The following GNG13 variants were observed in gnomAD, a reference collection of about 807,000 sequenced individuals.
The protein encoded by GNG13 is guanine nucleotide-binding protein G(I)/G(S)/G(O) subunit gamma-13.
In GNG13, 12 loss-of-function variants were observed where a neutral mutation model predicts 8.2. That is an observed-to-expected ratio of 1.47 (90% CI 0.94 to 2.38). The LOEUF (loss-of-function observed/expected upper bound fraction) is 2.38. Among genes scored for constraint, GNG13 ranks in the 30% most tolerant of loss-of-function variants. GNG13 has a pLI of 0.00. For synonymous variants in GNG13, 45 were observed against 33.0 expected (o/e 1.37, Z -1.25); for missense variants, 100 against 85.2 (o/e 1.17, Z -0.68).
Position 798,091 on chromosome 16 carries a change from T to G in GNG13, c.*628A>C. 4 of 1,392,076 alleles carry G rather than the reference T, an allele frequency of 2.9e-6. No homozygotes were observed. The South Asian group carries it at 4.1e-5, about 14-fold the overall frequency. The allele number at this position is 1,392,076 out of a possible 1,614,324, so 86.2% of individuals were successfully genotyped here. A position where few individuals can be genotyped will look rare whatever the true frequency, so the allele number is the denominator to read the frequency against. On this transcript the variant is annotated 3_prime_UTR_variant, in exon 3 of 3. Coordinates refer to ENST00000248150, the MANE Select transcript of GNG13 (RefSeq NM_016541.3). ...AGACTGTAATCACGTGCGAGTGGAG[T>G]GGGGTTCACAGGATGGTGGGAGTGG... is the stretch of plus-strand genomic sequence containing the variant.
intron 1 of GNG13, among the ~76,000 whole-genome samples, chr16:799,452 C>A (rs73493220): frequency 0.24 from 36,835 of 152,096 alleles, 4,607 homozygotes; most frequent in South Asian, 0.37. Context: ...CCACTGAGGC[C>A]CACGCAGGCT....
At chr16:800,219 A>AC (rs2042434717) in intron 1 of GNG13, among the ~76,000 whole-genome samples, 2 of 151,720 alleles carry the variant, frequency 1.3e-5, no homozygotes, top group African/African-American at 4.8e-5. Context: ...GAGTTCCAGC[A>AC]CCCCTACCCG....
At position 799,050 on chromosome 16, in the gene GNG13, T is replaced by G; in HGVS notation, c.28A>C (p.Lys10Gln). Residue 10 changes from lysine (K) to glutamine (Q), a missense_variant, in exon 2 of 3, where the codon AAG becomes CAG. Transcript: ENST00000248150. ...TACTTGAGGCTCTCCACCTCTTTCT[T>G]CATCTGTGGCACGTCCCACTCCTCC... MEEWDVPQM[K>Q]KEVESLKYQL... The G allele has an allele frequency of 7.5e-6, 12 of 1,610,158 alleles. No homozygotes were observed. The highest frequency in any genetic ancestry group is 1.0e-5 in the Non-Finnish European group (12 of 1,176,774).
rs201244536 is a variant in GNG13, at chr16:799,060, C to G, written c.18G>C (p.Val6=). The G allele has an allele frequency of 1.1e-5, 17 of 1,605,424 alleles. No homozygotes were observed. In the Admixed American group the frequency reaches 1.2e-4, roughly 11 times the overall value. The change falls in exon 2 of 3, where the codon GTG becomes GTC. Residue 6 remains valine, a synonymous_variant. Coordinates refer to ENST00000248150, the MANE Select transcript of GNG13 (RefSeq NM_016541.3). ...TCTCCACCTCTTTCTTCATCTGTGG[C>G]ACGTCCCACTCCTCCATGGGGTCAG... is the stretch of plus-strand genomic sequence containing the variant. The part of the protein sequence containing the change: MEEWD[V]PQMKKEVESL...
rs773275872 is a variant in GNG13, at chr16:798,677, C to T, written c.*42G>A. On this transcript the variant is annotated 3_prime_UTR_variant, in exon 3 of 3. Coordinates refer to ENST00000248150, the MANE Select transcript of GNG13 (RefSeq NM_016541.3). ...ACAAGATGGTGGGAGTGGGGCCGGG[C>T]GTGGTCTCACAGGATGGTGTGAGAG... 110 of 1,159,012 alleles carry T rather than the reference C, an allele frequency of 9.5e-5. No individual in the cohort carries two copies. Among genetic ancestry groups the T allele is most frequent in the Admixed American group, 4.3e-4 (25 of 58,442 alleles). 71.8% of individuals were successfully genotyped at this position (1,159,012 alleles called of 1,614,324 possible). A position where few individuals can be genotyped will look rare whatever the true frequency, so the allele number is the denominator to read the frequency against.
chr16:798,966 G>A lies in GNG13; in HGVS notation c.98+14C>T. The A allele has an allele frequency of 6.5e-7, 1 of 1,528,708 alleles. No homozygotes were observed. The highest frequency in any genetic ancestry group is 2.2e-5 in the East Asian group (1 of 44,454). 94.7% of individuals were successfully genotyped at this position (1,528,708 alleles called of 1,614,324 possible). A position where few individuals can be genotyped will look rare whatever the true frequency, so the allele number is the denominator to read the frequency against. On this transcript the variant is annotated intron_variant, in intron 2 of 2. Coordinates refer to ENST00000248150, the MANE Select transcript of GNG13 (RefSeq NM_016541.3). ...AGACAAATGAGAGGCAAATCAGGCAGGTGGGGCACTCACTCGGGGATGGTC... is the reference window on the plus strand; with the variant it reads ...AGACAAATGAGAGGCAAATCAGGCAAGTGGGGCACTCACTCGGGGATGGTC...
In GNG13 at chr16:798,125, G is replaced by T; in HGVS notation, c.*594C>A. The T allele has an allele frequency of 9.2e-7, 1 of 1,087,242 alleles. No individual in the cohort carries two copies. The highest frequency in any genetic ancestry group is 2.5e-5 in the East Asian group (1 of 40,558). 67.3% of individuals were successfully genotyped at this position (1,087,242 alleles called of 1,614,324 possible). ...CAGGATGGTGGGAGTGGGGCCGGGC[G>T]TGGGCTCATAGGATGGTGTGAGTGG... On this transcript the variant is annotated 3_prime_UTR_variant, in exon 3 of 3. Transcript: ENST00000248150.
rs1301272141 is a variant in GNG13, at chr16:799,092, C to T, written c.-15G>A. On this transcript the variant is annotated 5_prime_UTR_variant, in exon 2 of 3. Transcript: ENST00000248150. ...CACTCCTCCATGGGGTCAGGGGCTT[C>T]TGAAGCAGCCAGCCTGGGGCTGGAG... 3 of 1,505,488 alleles carry T rather than the reference C, an allele frequency of 2.0e-6. No individual in the cohort carries two copies. The highest frequency in any genetic ancestry group is 3.3e-5 in the Admixed American group (2 of 59,822). 93.3% of individuals were successfully genotyped at this position (1,505,488 alleles called of 1,614,324 possible).
chr16:798,065 C>T lies in GNG13; in HGVS notation c.*654G>A. 2.0e-6 allele frequency: 3 copies of T among 1,492,784 alleles called. No individual in the cohort carries two copies. Among genetic ancestry groups the T allele is most frequent in the South Asian group, 2.5e-5 (2 of 78,634 alleles). 92.5% of individuals were successfully genotyped at this position (1,492,784 alleles called of 1,614,324 possible). ...ATGTCTTTATAAAGTCACACCTTTA[C>T]AGACTGTAATCACGTGCGAGTGGAG... On this transcript the variant is annotated 3_prime_UTR_variant, in exon 3 of 3. Coordinates refer to ENST00000248150, the MANE Select transcript of GNG13 (RefSeq NM_016541.3).
chr16:800,228 C>A (rs78977384), intron 1 of GNG13, among the ~76,000 whole-genome samples: 1 of 152,108 alleles, frequency 6.6e-6, no homozygotes, highest in Non-Finnish European at 1.5e-5. Flanking sequence ...CACCCCTACC[C>A]GCCCCCATCC....
rs969299650 is a variant in GNG13 at position 799,871 on chromosome 16, C to T, written c.-34-760G>A. On this transcript the variant is annotated intron_variant, in intron 1 of 2. Transcript: ENST00000248150. ...CAGGGGCCCAGGGAGTCCCTCACTCCGTCCCAACTCTGGCCCCCGTCCCCA... is the reference window on the plus strand; with the variant it reads ...CAGGGGCCCAGGGAGTCCCTCACTCTGTCCCAACTCTGGCCCCCGTCCCCA... Among the ~76,000 whole-genome samples, 5 of 148,404 alleles carry T rather than the reference C, an allele frequency of 3.4e-5. No homozygotes were observed. In the South Asian group the frequency reaches 6.7e-4, roughly 20 times the overall value.
rs200968130 is a variant in GNG13 at position 799,081 on chromosome 16, G to A, written c.-4C>T. On this transcript the variant is annotated 5_prime_UTR_variant, in exon 2 of 3. Coordinates refer to ENST00000248150, the MANE Select transcript of GNG13 (RefSeq NM_016541.3). ...GTGGCACGTCCCACTCCTCCATGGG[G>A]TCAGGGGCTTCTGAAGCAGCCAGCC... The A allele has an allele frequency of 5.7e-5, 90 of 1,573,752 alleles. No homozygotes were observed. The highest frequency in any genetic ancestry group is 1.7e-4 in the Middle Eastern group (1 of 6,014).
chr16:798,869 G>C, intron 2 of GNG13, 45 bp from the exon 3 acceptor site: 1 of 1,411,314 alleles, frequency 7.1e-7, no homozygotes, highest in Non-Finnish European at 1.0e-6. Flanking sequence ...CCTGACCCCC[G>C]AGGGCCTCCT....
chr16:798,082 C>G lies in GNG13; in HGVS notation c.*637G>C, dbSNP rs115692989. The G allele has an allele frequency of 8.0e-4, 1,141 of 1,423,378 alleles. 5 individuals carry two copies. In the African/African-American group the frequency reaches 0.015, roughly 19 times the overall value. The allele number at this position is 1,423,378 out of a possible 1,614,324, so 88.2% of individuals were successfully genotyped here. ...CACCTTTACAGACTGTAATCACGTGCGAGTGGAGTGGGGTTCACAGGATGG... is the reference window on the plus strand; with the variant it reads ...CACCTTTACAGACTGTAATCACGTGGGAGTGGAGTGGGGTTCACAGGATGG... On this transcript the variant is annotated 3_prime_UTR_variant, in exon 3 of 3. Coordinates refer to ENST00000248150, the MANE Select transcript of GNG13 (RefSeq NM_016541.3).
rs529136418 is a variant in GNG13 at position 798,325 on chromosome 16, C to T, written c.*394G>A. 6 of 409,074 alleles carry T rather than the reference C, an allele frequency of 1.5e-5. No individual in the cohort carries two copies. In the African/African-American group the frequency reaches 1.7e-4, roughly 11 times the overall value. The allele number at this position is 409,074 out of a possible 1,614,324, so 25.3% of individuals were successfully genotyped here. A position where few individuals can be genotyped will look rare whatever the true frequency, so the allele number is the denominator to read the frequency against. ...GGCTCACAGGTTGGTGTGAGTGGGG[C>T]TGGGAGTGGGGCTCACAGGATGGAG... On this transcript the variant is annotated 3_prime_UTR_variant, in exon 3 of 3. Transcript: ENST00000248150.
chr16:798,815 C>T lies in GNG13; in HGVS notation c.108G>A (p.Lys36=), dbSNP rs1176833778. 2 of 1,609,640 alleles carry T rather than the reference C, an allele frequency of 1.2e-6. No homozygotes were observed. The highest frequency in any genetic ancestry group is 2.7e-5 in the African/African-American group (2 of 74,956). ...MASKTIPELL[K]WIEDGIPKDP... Reference sequence around the variant, plus strand: ...CCTTGGGGATCCCGTCCTCGATCCACTTCAGCAGCCTGCGGGTGGGCGGGT... The same window carrying T: ...CCTTGGGGATCCCGTCCTCGATCCATTTCAGCAGCCTGCGGGTGGGCGGGT... Residue 36 remains lysine (K), a synonymous_variant, in exon 3 of 3, where the codon AAG becomes AAA. Transcript: ENST00000248150.
chr16:798,669 G>A lies in GNG13; in HGVS notation c.*50C>T, dbSNP rs1398813256. On this transcript the variant is annotated 3_prime_UTR_variant, in exon 3 of 3. Coordinates refer to ENST00000248150, the MANE Select transcript of GNG13 (RefSeq NM_016541.3). ...ACAGTCTTACAAGATGGTGGGAGTG[G>A]GGCCGGGCGTGGTCTCACAGGATGG... 9.0e-7 allele frequency: 1 copy of A among 1,105,114 alleles called. No individual in the cohort carries two copies. The highest frequency in any genetic ancestry group is 1.5e-5 in the African/African-American group (1 of 65,068). The allele number at this position is 1,105,114 out of a possible 1,614,324, so 68.5% of individuals were successfully genotyped here. A position where few individuals can be genotyped will look rare whatever the true frequency, so the allele number is the denominator to read the frequency against.
rs775328510 is a variant in GNG13, at chr16:798,805, C to G, written c.118G>C (p.Asp40His). 309 of 1,611,992 alleles carry G rather than the reference C, an allele frequency of 1.9e-4. No homozygotes were observed. The highest frequency in any genetic ancestry group is 2.4e-4 in the Non-Finnish European group (281 of 1,178,906). Residue 40 changes from aspartate (D) to histidine (H), a missense_variant, in exon 3 of 3, where the codon GAC becomes CAC. By Grantham distance (81) the Asp-to-His change is moderately conservative. Coordinates refer to ENST00000248150, the MANE Select transcript of GNG13 (RefSeq NM_016541.3). Reference protein sequence around the residue: ...TIPELLKWIEDGIPKDPFLNP... With the variant: ...TIPELLKWIEHGIPKDPFLNP... ...AGGAAGGGGTCCTTGGGGATCCCGTCCTCGATCCACTTCAGCAGCCTGCGG... is the reference window on the plus strand; with the variant it reads ...AGGAAGGGGTCCTTGGGGATCCCGTGCTCGATCCACTTCAGCAGCCTGCGG...
At chr16:800,232 C>A (rs1451047850) in intron 1 of GNG13, among the ~76,000 whole-genome samples, 1 of 152,174 alleles carries the variant, frequency 6.6e-6, no homozygotes, top group African/African-American at 2.4e-5. Flanking sequence ...CCTACCCGCC[C>A]CCATCCCCGG....
Sources: gnomAD v4.1 joint callset for allele counts (sites outside exome capture counted in the v4.1 genomes callset) on GRCh38, gnomAD v4.1.1 for gene constraint, MANE v1.5 for transcripts, NCBI Gene and HGNC (gene_info 2026-07-23, HGNC 2026-07-21) for gene names.